FBXL4: variants seen among roughly 807,000 people sequenced by gnomAD.
The protein encoded by FBXL4 is F-box and leucine rich repeat protein 4, also known as F-box/LRR-repeat protein 4.
FBXL4 carries 40 observed loss-of-function variants against 58.9 expected under a neutral mutation model. The ratio of observed to expected loss-of-function variants is 0.68; its 90% CI spans 0.53 to 0.88. The LOEUF is 0.88. Ranked by LOEUF, FBXL4 falls within the 40% of genes least tolerant of loss-of-function variation. The probability of loss-of-function intolerance (pLI) is 0.00; values close to 1 mark genes in which losing one functional copy is unlikely to be tolerated. For missense variants in FBXL4, 676 were observed against 734.4 expected (o/e 0.92, Z 0.92); for synonymous variants, 263 against 265.5 (o/e 0.99, Z 0.09).
intron 4 of FBXL4, among the ~76,000 whole-genome samples, chr6:98,918,627 T>A (rs962328487): frequency 6.6e-6 from 1 of 152,150 alleles, no homozygotes; most frequent in Non-Finnish European, 1.5e-5. Flanking sequence ...ATTTCTCTAA[T>A]ATTATTTCTA....
chr6:98,874,030 G>C lies in FBXL4; in HGVS notation c.*248C>G. On this transcript the variant is annotated 3_prime_UTR_variant, in exon 10 of 10. Coordinates refer to ENST00000369244, the MANE Select transcript of FBXL4 (RefSeq NM_001278716.2). ...TTTATCAATCATATTATTGACTAAA[G>C]CATATCACTGATTAACATAAGGTAA... 3.2e-6 allele frequency: 1 copy of C among 310,676 alleles called. No homozygotes were observed. The highest frequency in any genetic ancestry group is 5.8e-6 in the Non-Finnish European group (1 of 172,142). The allele number at this position is 310,676 out of a possible 1,614,324, so 19.2% of individuals were successfully genotyped here. A position where few individuals can be genotyped will look rare whatever the true frequency, so the allele number is the denominator to read the frequency against.
At position 98,868,770 on chromosome 6, in the gene FBXL4, C is replaced by T. The variant is rs1474509211; in HGVS notation, c.*5508G>A. The T allele has an allele frequency of 1.3e-5, 2 of 152,148 alleles. No individual in the cohort carries two copies. Among genetic ancestry groups the T allele is most frequent in the African/African-American group, 4.8e-5 (2 of 41,450 alleles). 9.4% of individuals were successfully genotyped at this position (152,148 alleles called of 1,614,324 possible). Reference sequence around the variant, plus strand: ...CTTAAAATTTTTATAACTAATACTTCACTAATTACTTTACCAAATACATAG... The same window carrying T: ...CTTAAAATTTTTATAACTAATACTTTACTAATTACTTTACCAAATACATAG... On this transcript the variant is annotated 3_prime_UTR_variant, in exon 10 of 10. Transcript: ENST00000369244.
chr6:98,874,972 G>A (rs1184052148), intron 9 of FBXL4, among the ~76,000 whole-genome samples: 1 of 152,104 alleles, frequency 6.6e-6, no homozygotes, highest in Non-Finnish European at 1.5e-5. Context: ...TCTGCCTGGG[G>A]TAGAACTATT....
At chr6:98,897,929 C>T (rs1041828825) in intron 7 of FBXL4, among the ~76,000 whole-genome samples, 1 of 152,064 alleles carries the variant, frequency 6.6e-6, no homozygotes, top group Non-Finnish European at 1.5e-5. Flanking sequence ...CCAATCTTTA[C>T]CAAGTACTAT....
chr6:98,883,322 C>T (rs754910281), intron 7 of FBXL4, among the ~76,000 whole-genome samples: 11 of 151,972 alleles, frequency 7.2e-5, no homozygotes, highest in African/African-American at 1.4e-4. Flanking sequence ...ATGCTGGATA[C>T]CAATCTTTGT....
At chr6:98,913,267 C>A (rs1772176038) in intron 5 of FBXL4, among the ~76,000 whole-genome samples, 2 of 152,172 alleles carry the variant, frequency 1.3e-5, no homozygotes, top group South Asian at 2.1e-4. Flanking sequence ...GACAGATCAA[C>A]GAGACAGAAA....
intron 7 of FBXL4, among the ~76,000 whole-genome samples, chr6:98,889,364 A>G (rs554890429): frequency 6.6e-6 from 1 of 152,254 alleles, no homozygotes; most frequent in South Asian, 2.1e-4. Flanking sequence ...AGTGTCCTTT[A>G]GTGAAGCTTC....
chr6:98,880,929 G>T (rs776774576), intron 7 of FBXL4, among the ~76,000 whole-genome samples: 22 of 151,986 alleles, frequency 1.4e-4, no homozygotes, highest in Non-Finnish European at 1.9e-4. Flanking sequence ...TAAGCAATTT[G>T]AAAGTCTGGC....
At chr6:98,910,562 CA>C (rs1417621580) in intron 5 of FBXL4, among the ~76,000 whole-genome samples, 1 of 151,402 alleles carries the variant, frequency 6.6e-6, no homozygotes, top group African/African-American at 2.4e-5. Context: ...GAGGCTGAGG[CA>C]GGAGAATGGC....
At chr6:98,882,148 T>C (rs1003222467) in intron 7 of FBXL4, among the ~76,000 whole-genome samples, 6 of 152,108 alleles carry the variant, frequency 3.9e-5, no homozygotes, top group Non-Finnish European at 5.9e-5. Flanking sequence ...TTAAATTACT[T>C]ACTATGAAGA....
rs562367858 is a variant in FBXL4, at chr6:98,874,989, C to T, written c.1702+426G>A. Among the ~76,000 whole-genome samples the T allele has an allele frequency of 1.4e-3, 209 of 152,200 alleles. 1 individual carries two copies. The highest frequency in any genetic ancestry group is 4.7e-3 in the African/African-American group (196 of 41,542). On this transcript the variant is annotated intron_variant, in intron 9 of 9. Coordinates refer to ENST00000369244, the MANE Select transcript of FBXL4 (RefSeq NM_001278716.2). ...TGCCTGGGGTAGAACTATTCCTAAA[C>T]GCTAGAATTATCAGGGATAAAGATT...
chr6:98,874,635 C>T (rs941957385), intron 9 of FBXL4, among the ~76,000 whole-genome samples, 194 bp from the exon 10 acceptor site: 3 of 152,144 alleles, frequency 2.0e-5, no homozygotes, highest in Admixed American at 2.0e-4. Context: ...GTTGAATTTT[C>T]CAGCCAATTT....
chr6:98,874,700 T>A (rs1246342980), intron 9 of FBXL4, among the ~76,000 whole-genome samples: 2 of 152,166 alleles, frequency 1.3e-5, no homozygotes, highest in Non-Finnish European at 2.9e-5. Context: ...CATTCCTACC[T>A]CCTACCCCTT....
intron 2 of FBXL4, among the ~76,000 whole-genome samples, chr6:98,932,910 G>GAAAAAAAAAAAAAAAA (rs572882559): frequency 2.0e-5 from 2 of 101,744 alleles, no homozygotes. Flanking sequence ...TGAAGTCATA[G>GAAAAAAAAAAAAAAAA]AAAAAAAAAA....
chr6:98,884,503 T>G lies in FBXL4; in HGVS notation c.1318-3879A>C, dbSNP rs372805885. On this transcript the variant is annotated intron_variant, in intron 7 of 9. Transcript: ENST00000369244. ...GAATTTTCAGATGACAGTTACCTTC[T>G]TTCAACACTCTGAAAACATTACTCC... Among the ~76,000 whole-genome samples, 9 of 152,296 alleles carry G rather than the reference T, an allele frequency of 5.9e-5. No individual in the cohort carries two copies. The East Asian group carries it at 1.5e-3, about 26-fold the overall frequency.
chr6:98,898,059 G>A (rs571655262), intron 7 of FBXL4, among the ~76,000 whole-genome samples: 2 of 152,216 alleles, frequency 1.3e-5, no homozygotes, highest in East Asian at 3.9e-4. Context: ...TGACAAGGAT[G>A]TTAAAAAGGA....
chr6:98,879,432 C>T (rs1208270882), intron 8 of FBXL4, among the ~76,000 whole-genome samples: 2 of 152,160 alleles, frequency 1.3e-5, no homozygotes, highest in Admixed American at 6.5e-5. Flanking sequence ...GGTATGTGTG[C>T]ACACAAACAC....
At chr6:98,917,343 C>A in intron 5 of FBXL4, 31 bp downstream of exon 5, 1 of 1,454,170 alleles carries the variant, frequency 6.9e-7, no homozygotes, top group Non-Finnish European at 9.4e-7. Flanking sequence ...AGTGTTATAT[C>A]CAATACTGCT....
At chr6:98,920,008 G>A (rs1374546081) in intron 4 of FBXL4, among the ~76,000 whole-genome samples, 2 of 152,090 alleles carry the variant, frequency 1.3e-5, no homozygotes, top group South Asian at 2.1e-4. Context: ...GGAGTTTTGG[G>A]AGGCTTAAGA....
Sources: gnomAD v4.1 joint callset for allele counts (sites outside exome capture counted in the v4.1 genomes callset) on GRCh38, gnomAD v4.1.1 for gene constraint, MANE v1.5 for transcripts, NCBI Gene and HGNC (gene_info 2026-07-23, HGNC 2026-07-21) for gene names.